Variants in RFX7 observed in about 807,000 individuals in gnomAD.
RFX7 encodes DNA-binding protein RFX7.
Under a neutral mutation model 111.8 loss-of-function variants are expected in RFX7, and 26 were observed. The observed-to-expected ratio is 0.23, with a 90% CI of 0.17 to 0.32. RFX7 has a LOEUF of 0.32. Ranked by LOEUF, RFX7 falls within the 10% of genes least tolerant of loss-of-function variation. The pLI is 1.00. For synonymous variants in RFX7, 624 were observed against 624.4 expected (o/e 1.00, Z 0.01); for missense variants, 1,573 against 1,772.9 (o/e 0.89, Z 2.02).
intron 7 of RFX7, 58 bp downstream of exon 7, chr15:56,102,111 T>TC: frequency 7.8e-7 from 1 of 1,274,186 alleles, no homozygotes; most frequent in Non-Finnish European, 1.1e-6. Context: ...AGGATGCATT[T>TC]CAATGTTAAT....
chr15:56,136,068 CT>C, intron 5 of RFX7, among the ~76,000 whole-genome samples: 1 of 152,038 alleles, frequency 6.6e-6, no homozygotes, highest in Non-Finnish European at 1.5e-5. Flanking sequence ...CAGCTTTGTT[CT>C]TTTGGATTAG....
rs1555421058 is a variant in RFX7 at position 56,141,656 on chromosome 15, A to ACTATATATATATAT, written c.401+1121_401+1122insATATATATATATAG. 1.7e-3 allele frequency among the ~76,000 whole-genome samples: 143 copies of ACTATATATATATAT among 83,134 alleles called. 7 individuals are homozygous for ACTATATATATATAT. The highest frequency in any genetic ancestry group is 3.5e-3 in the African/African-American group (53 of 15,268). The allele number at this position is 83,134 out of a possible 152,430, so 54.5% of individuals were successfully genotyped here. ...TAATGAAGAATCTATGCTTACTCTA[A>ACTATATATATATAT]ATATATATATATATATATATGCATA... On this transcript the variant is annotated intron_variant, in intron 5 of 9. Coordinates refer to ENST00000559447, the MANE Select transcript of RFX7 (RefSeq NM_022841.7).
chr15:56,146,793 A>C (rs1169125630), intron 3 of RFX7, among the ~76,000 whole-genome samples: 1 of 152,224 alleles, frequency 6.6e-6, no homozygotes, highest in East Asian at 1.9e-4. Context: ...TATGGGGTAC[A>C]ACACATAGAA....
Position 56,094,154 on chromosome 15 carries a change from T to G in RFX7, c.3574A>C (p.Asn1192His). 1 of 1,613,942 alleles carries G rather than the reference T, an allele frequency of 6.2e-7. No individual in the cohort carries two copies. Among genetic ancestry groups the G allele is most frequent in the Non-Finnish European group, 8.5e-7 (1 of 1,179,876 alleles). ...LYPVSNIPRS[N>H]VTPFGSPVTP... is the part of the protein sequence containing the mutation. ...ACTGGACTTCCAAAGGGGGTCACATTAGATCGTGGGATATTAGATACTGGA... is the reference window on the plus strand; with the variant it reads ...ACTGGACTTCCAAAGGGGGTCACATGAGATCGTGGGATATTAGATACTGGA... Residue 1192 changes from asparagine (N) to histidine (H), a missense_variant, in exon 10 of 10, where the codon AAT becomes CAT. By Grantham distance (68) the Asn-to-His change is moderately conservative (BLOSUM62 1). This residue lies in a region of RFX7 where 411 missense variants were observed against 478.1 expected (regional missense o/e 0.86). Transcript: ENST00000559447.
chr15:56,115,906 C>T (rs1290430584), intron 5 of RFX7, among the ~76,000 whole-genome samples: 4 of 149,906 alleles, frequency 2.7e-5, no homozygotes, highest in African/African-American at 9.9e-5. Context: ...CGTGCCACTG[C>T]ACTCCAGCCT....
intron 5 of RFX7, among the ~76,000 whole-genome samples, chr15:56,137,230 G>A (rs1299688543): frequency 6.6e-6 from 1 of 152,126 alleles, no homozygotes; most frequent in Admixed American, 6.5e-5. Flanking sequence ...ATTCGGCTGT[G>A]CATCCATCTG....
In RFX7 at chr15:56,095,436, G is replaced by C. The variant is rs376497617; in HGVS notation, c.2292C>G (p.Val764=). The C allele has an allele frequency of 5.4e-4, 869 of 1,612,726 alleles. 1 individual carries two copies. The highest frequency in any genetic ancestry group is 6.8e-4 in the Non-Finnish European group (801 of 1,179,870). ...ACTTTGAATCACTGTCCAAGAGAAA[G>C]ACACTTCCTTCAAGTTTTACTTTTA... ...PDIKVKLEGS[V]FLLDSDSKSV... is the part of the protein sequence containing the mutation. Residue 764 remains valine, a synonymous_variant, in exon 10 of 10, where the codon GTC becomes GTG. Transcript: ENST00000559447.
chr15:56,088,817 AAC>A lies in RFX7; in HGVS notation c.*4526_*4527del, dbSNP rs1222698111. 6.6e-6 allele frequency: 1 copy of A among 152,160 alleles called. No homozygotes were observed. The highest frequency in any genetic ancestry group is 1.9e-4 in the East Asian group (1 of 5,168). The allele number at this position is 152,160 out of a possible 1,614,324, so 9.4% of individuals were successfully genotyped here. A position where few individuals can be genotyped will look rare whatever the true frequency, so the allele number is the denominator to read the frequency against. On this transcript the variant is annotated 3_prime_UTR_variant, in exon 10 of 10. Transcript: ENST00000559447. ...ATAGGGGGAAGGCAAGATACCAGTT[AAC>A]AGTTAGCACCAGTAAACTTAGTTCG...
rs1261532000 is a variant in RFX7, at chr15:56,095,428, A to C, written c.2300T>G (p.Leu767Trp). The C allele has an allele frequency of 1.2e-6, 2 of 1,613,022 alleles. No homozygotes were observed. Among genetic ancestry groups the C allele is most frequent in the Non-Finnish European group, 1.7e-6 (2 of 1,179,874 alleles). The change falls in exon 10 of 10, where the codon TTG becomes TGG. Residue 767 changes from leucine (L) to tryptophan (W), a missense_variant. Leu to Trp is a moderately conservative substitution (Grantham distance 61). Around this residue, in one of 7 missense-constraint regions of RFX7, gnomAD observed 625 missense variants for 632.2 expected, o/e 0.99. Coordinates refer to ENST00000559447, the MANE Select transcript of RFX7 (RefSeq NM_022841.7). Reference sequence around the variant, plus strand: ...GCCAACTGACTTTGAATCACTGTCCAAGAGAAAGACACTTCCTTCAAGTTT... The same window carrying C: ...GCCAACTGACTTTGAATCACTGTCCCAGAGAAAGACACTTCCTTCAAGTTT... ...KVKLEGSVFL[L>W]DSDSKSVGSF...
intron 2 of RFX7, among the ~76,000 whole-genome samples, chr15:56,202,872 G>A (rs2043207183): frequency 6.6e-6 from 1 of 152,138 alleles, no homozygotes; most frequent in South Asian, 2.1e-4. Context: ...GACAAAAGAG[G>A]TCATCTGTTA....
At chr15:56,177,984 T>C (rs2141127118) in intron 3 of RFX7, among the ~76,000 whole-genome samples, 1 of 152,214 alleles carries the variant, frequency 6.6e-6, no homozygotes, top group Non-Finnish European at 1.5e-5. Flanking sequence ...ATGGAATATG[T>C]CTTTTCTGTT....
intron 2 of RFX7, among the ~76,000 whole-genome samples, chr15:56,230,955 G>A (rs568603564): frequency 6.6e-6 from 1 of 152,242 alleles, no homozygotes; most frequent in East Asian, 1.9e-4. Flanking sequence ...AAAATTAGCT[G>A]GGTGTGGTGG....
In RFX7 at chr15:56,101,638, T is replaced by C. The variant is rs1436506061; in HGVS notation, c.604-72A>G. ...ATTAAATTGAAGCATGTTAAAGATA[T>C]GTATTCTTAATTAGAAGATACAATA... On this transcript the variant is annotated intron_variant, in intron 7 of 9. Transcript: ENST00000559447. The C allele has an allele frequency of 1.0e-5, 13 of 1,299,900 alleles. No homozygotes were observed. In the East Asian group the frequency reaches 1.9e-4, roughly 19 times the overall value. The allele number at this position is 1,299,900 out of a possible 1,614,324, so 80.5% of individuals were successfully genotyped here.
intron 5 of RFX7, among the ~76,000 whole-genome samples, chr15:56,123,975 T>C (rs957267840): frequency 6.6e-6 from 1 of 152,206 alleles, no homozygotes; most frequent in Non-Finnish European, 1.5e-5. Context: ...TCAGTGTCTC[T>C]TTCAACTTAA....
At chr15:56,112,773 A>T (rs576963625) in intron 5 of RFX7, among the ~76,000 whole-genome samples, 1 of 152,332 alleles carries the variant, frequency 6.6e-6, no homozygotes, top group Admixed American at 6.5e-5. Context: ...AAGGTCTAAG[A>T]TCCAGAATTT....
chr15:56,097,256 T>C (rs966440723), intron 9 of RFX7, among the ~76,000 whole-genome samples: 2 of 152,202 alleles, frequency 1.3e-5, no homozygotes, highest in Non-Finnish European at 2.9e-5. Flanking sequence ...ATAACCTCAG[T>C]TGTGTGAGAT....
intron 3 of RFX7, among the ~76,000 whole-genome samples, chr15:56,149,238 A>G (rs2042532195): frequency 6.6e-6 from 1 of 152,148 alleles, no homozygotes; most frequent in Admixed American, 6.5e-5. Context: ...GTCTTCAGTG[A>G]TTTCTGCTGC....
intron 2 of RFX7, among the ~76,000 whole-genome samples, chr15:56,202,869 G>C (rs778040182): frequency 1.9e-4 from 29 of 152,172 alleles, no homozygotes; most frequent in Non-Finnish European, 3.8e-4. Context: ...AGAGACAAAA[G>C]AGGTCATCTG....
chr15:56,133,746 G>A (rs1369513737), intron 5 of RFX7, among the ~76,000 whole-genome samples: 1 of 151,964 alleles, frequency 6.6e-6, no homozygotes, highest in Admixed American at 6.6e-5. Flanking sequence ...TCTACATTTT[G>A]CCTTTCTGTA....
Sources: allele counts gnomAD v4.1 joint callset (sites outside exome capture counted in the v4.1 genomes callset), GRCh38; gene constraint gnomAD v4.1.1; regional missense constraint gnomAD v4.1.1; transcripts MANE v1.5; gene names NCBI Gene and HGNC (gene_info 2026-07-23, HGNC 2026-07-21).